Variants in HAUS7 observed in about 807,000 individuals in gnomAD.
HAUS7 encodes the protein HAUS augmin like complex subunit 7.
HAUS7 carries 3 observed loss-of-function variants against 28.4 expected under a neutral mutation model. That is an observed-to-expected ratio of 0.11 (90% confidence interval 0.05 to 0.27). The LOEUF (loss-of-function observed/expected upper bound fraction) is 0.27. Among genes scored for constraint, HAUS7 ranks in the 10% least tolerant of loss-of-function variants. The pLI is 1.00. For synonymous variants in HAUS7, 165 were observed against 132.1 expected, an observed-to-expected ratio of 1.25 and a Z score of -1.71; for missense variants, 284 against 297.3, an observed-to-expected ratio of 0.96 and a Z score of 0.33.
chrX:153,487,384 G>A (rs1190949918), intron 1 of HAUS7, among the ~76,000 whole-genome samples: 5 of 112,398 alleles, frequency 4.4e-5, no homozygotes, highest in African/African-American at 6.5e-5. Flanking sequence ...TGGTCCTAGA[G>A]CCACCCACAC....
intron 3 of HAUS7, among the ~76,000 whole-genome samples, chrX:153,463,350 G>A (rs1463940835): frequency 8.9e-6 from 1 of 111,795 alleles, no homozygotes; most frequent in African/African-American, 3.3e-5. Flanking sequence ...CCAACTGCAT[G>A]CCTAGGCAAG....
At chrX:153,454,902 G>T in intron 8 of HAUS7, 3 of 1,038,657 alleles carry the variant, frequency 2.9e-6, no homozygotes, top group Non-Finnish European at 3.8e-6. Context: ...GGTCTCACAG[G>T]ACCAGCCAGT....
intron 2 of HAUS7, among the ~76,000 whole-genome samples, chrX:153,466,808 TA>T (rs1395773440): frequency 8.9e-6 from 1 of 112,457 alleles, no homozygotes; most frequent in Non-Finnish European, 1.9e-5. Flanking sequence ...TCCAAAATCC[TA>T]AACTTTCTGA....
At chrX:153,472,309 A>G (rs1358299831), upstream of HAUS7, among the ~76,000 whole-genome samples, 2 of 111,782 alleles carry the variant, frequency 1.8e-5, no homozygotes, top group Non-Finnish European at 3.8e-5. Flanking sequence ...TCATCTTGAG[A>G]GGTTATGGAG....
intron 1 of HAUS7, chrX:153,480,957 G>C (rs2089595916): frequency 1.3e-6 from 1 of 754,295 alleles, no homozygotes; most frequent in African/African-American, 2.3e-5. Flanking sequence ...GAGGACAGGA[G>C]GCCGGGAAGA....
chrX:153,466,701 A>G (rs1480553424), intron 2 of HAUS7, among the ~76,000 whole-genome samples: 2 of 112,572 alleles, frequency 1.8e-5, no homozygotes. Context: ...AGACAACGTC[A>G]TCGTATGCTC....
rs1482204692 is a variant in HAUS7, at chrX:153,490,438, A to T, written c.-589+4936T>A. Among the ~76,000 whole-genome samples the T allele has an allele frequency of 2.7e-5, 3 of 112,791 alleles. No individual in the cohort carries two copies. The East Asian group carries it at 8.4e-4, about 32-fold the overall frequency. The stretch of plus-strand genomic sequence containing the variant: ...GCACTGGGAAGCTTCCAGAGAGTGG[A>T]GGCTCCGCTCACTCAGCACCAGCTC... On this transcript the variant is annotated intron_variant, in intron 1 of 5. Transcript: ENST00000370210.
chrX:153,454,272 G>T (rs1340589635), intron 9 of HAUS7, 122 bp downstream of exon 9: 9 of 457,212 alleles, frequency 2.0e-5, no homozygotes, highest in Non-Finnish European at 3.4e-5. Flanking sequence ...ACATGCATTA[G>T]AAAATGAAAA....
chrX:153,450,192 A>G (rs1366266647), intron 9 of HAUS7, among the ~76,000 whole-genome samples: 5 of 111,543 alleles, frequency 4.5e-5, no homozygotes, highest in African/African-American at 1.6e-4. Flanking sequence ...CTCTTGCCCC[A>G]TGGACCCTCA....
intron 1 of HAUS7, chrX:153,479,526 TA>T: frequency 3.3e-6 from 1 of 304,489 alleles, no homozygotes. Flanking sequence ...GCGCAGACTC[TA>T]GGGGCGAGGG....
At chrX:153,458,443 G>A (rs987474987) in intron 4 of HAUS7, among the ~76,000 whole-genome samples, 7 of 113,185 alleles carry the variant, frequency 6.2e-5, no homozygotes, top group East Asian at 5.6e-4. Context: ...GTGTCCCAGC[G>A]CAGATGAGTA....
Position 153,469,445 on chromosome X carries a change from C to T in HAUS7, c.109-184G>A, listed in dbSNP as rs782750104. 1.1e-4 allele frequency among the ~76,000 whole-genome samples: 12 copies of T among 112,676 alleles called. No homozygotes were observed. The East Asian group carries it at 3.3e-3, about 31-fold the overall frequency. ...GGTTCCAGCAATTCTCCTGCCTCAG[C>T]TCCCAGGGTAGCTGGGGGATTACAG... On this transcript the variant is annotated intron_variant, in intron 1 of 9. Transcript: ENST00000370211.
At chrX:153,465,703 G>A (rs1204785833) in intron 2 of HAUS7, among the ~76,000 whole-genome samples, 1 of 112,346 alleles carries the variant, frequency 8.9e-6, no homozygotes, top group East Asian at 2.8e-4. Context: ...CATGCACAGC[G>A]CATGGAAGGC....
At chrX:153,455,015 C>T (rs782693615) in intron 8 of HAUS7, 19 of 1,023,620 alleles carry the variant, frequency 1.9e-5, no homozygotes, top group South Asian at 3.7e-5. Context: ...CTGTAGTCAT[C>T]GTAACTAAAG....
intron 1 of HAUS7, among the ~76,000 whole-genome samples, chrX:153,485,101 A>T (rs986618869): frequency 8.9e-6 from 1 of 112,225 alleles, no homozygotes; most frequent in Non-Finnish European, 1.9e-5. Flanking sequence ...TCAGGTGTCC[A>T]CCATGGAGCG....
intron 4 of HAUS7, among the ~76,000 whole-genome samples, chrX:153,460,233 C>G (rs185271846): frequency 1.7e-3 from 187 of 112,287 alleles, no homozygotes; most frequent in African/African-American, 5.7e-3. Flanking sequence ...GATGGTAACT[C>G]AGTGGCTGCC....
At chrX:153,465,553 T>G (rs1483833932) in intron 2 of HAUS7, among the ~76,000 whole-genome samples, 1 of 111,966 alleles carries the variant, frequency 8.9e-6, no homozygotes, top group Non-Finnish European at 1.9e-5. Flanking sequence ...ATGTGGGGGC[T>G]CCTGCCGCAA....
chrX:153,483,406 G>A, intron 1 of HAUS7: 1 of 755,850 alleles, frequency 1.3e-6, no homozygotes, highest in Non-Finnish European at 1.6e-6. Context: ...ACTGGCTTCA[G>A]GAGCACTGGC....
chrX:153,471,937 T>G (rs1227190379), upstream of HAUS7, among the ~76,000 whole-genome samples: 1 of 111,788 alleles, frequency 8.9e-6, no homozygotes, highest in South Asian at 3.7e-4. Flanking sequence ...GGCTTTGGGA[T>G]TTTTTTTTAA....
Sources: allele counts gnomAD v4.1 joint callset (sites outside exome capture counted in the v4.1 genomes callset), GRCh38; gene constraint gnomAD v4.1.1; transcripts MANE v1.5; gene names NCBI Gene and HGNC (gene_info 2026-07-23, HGNC 2026-07-21).